The following DLG2 variants were observed in gnomAD, a reference collection of about 807,000 sequenced individuals.
DLG2 encodes the protein disks large homolog 2.
DLG2 carries 45 observed loss-of-function variants against 132.5 expected under a neutral mutation model. The ratio of observed to expected loss-of-function variants is 0.34; its 90% confidence interval spans 0.27 to 0.44. The LOEUF (loss-of-function observed/expected upper bound fraction) is 0.44. Among genes scored for constraint, DLG2 ranks in the 20% least tolerant of loss-of-function variants. DLG2 has a pLI of 1.00. For synonymous variants in DLG2, 424 were observed against 419.6 expected, an observed-to-expected ratio of 1.01 and a Z score of -0.13; for missense variants, 1,045 against 1,196.9, an observed-to-expected ratio of 0.87 and a Z score of 1.87.
intron 4 of DLG2, 64 bp from the exon 5 acceptor site, chr11:85,154,715 A>G (rs2077482505): frequency 2.6e-6 from 2 of 772,648 alleles, no homozygotes; most frequent in African/African-American, 3.5e-5. Flanking sequence ...ATTGTTTTCA[A>G]ACTTTGAATA....
intron 7 of DLG2, among the ~76,000 whole-genome samples, chr11:84,506,076 G>GTTTTTTTT (rs559086542): frequency 1.1e-5 from 1 of 91,454 alleles, no homozygotes; most frequent in African/African-American, 6.8e-5. Flanking sequence ...CAGAGGCTCA[G>GTTTTTTTT]TTCTTTTTTT....
chr11:85,150,818 A>C (rs778007272), intron 5 of DLG2, among the ~76,000 whole-genome samples: 3 of 151,322 alleles, frequency 2.0e-5, no homozygotes, highest in Non-Finnish European at 4.4e-5. Context: ...GAGTATTGCA[A>C]ATAAGGCTGT....
intron 7 of DLG2, among the ~76,000 whole-genome samples, chr11:84,298,783 G>A (rs2154380272): frequency 6.6e-6 from 1 of 152,308 alleles, no homozygotes; most frequent in African/African-American, 2.4e-5. Flanking sequence ...GAGAGAGAGA[G>A]AGAAAAGCAT....
intron 18 of DLG2, among the ~76,000 whole-genome samples, chr11:83,775,305 G>C (rs2094539164): frequency 6.6e-6 from 1 of 152,046 alleles, no homozygotes; most frequent in African/African-American, 2.4e-5. Flanking sequence ...GCATGAATCT[G>C]TTTATATTTT....
rs75669451 is a variant in DLG2, at chr11:85,318,598, G to A, written c.41-33233C>T. On this transcript the variant is annotated intron_variant, in intron 3 of 27. Transcript: ENST00000376104. ...AATTCCACTTGGTTGAAATGTAAGGGAAGGGAAAGGGAAGTAAATATGAAG... is the reference window on the plus strand; with the variant it reads ...AATTCCACTTGGTTGAAATGTAAGGAAAGGGAAAGGGAAGTAAATATGAAG... Among the ~76,000 whole-genome samples the A allele has an allele frequency of 5.7e-3, 860 of 151,876 alleles. 3 individuals carry two copies. The highest frequency in any genetic ancestry group is 8.6e-3 in the Non-Finnish European group (583 of 67,782).
chr11:83,884,640 T>G (rs924556148), intron 15 of DLG2, among the ~76,000 whole-genome samples: 3 of 152,154 alleles, frequency 2.0e-5, no homozygotes, highest in African/African-American at 7.2e-5. Flanking sequence ...GCAGACTGCC[T>G]CCTCAAGTGG....
chr11:85,332,413 G>T (rs2081826936), intron 3 of DLG2, among the ~76,000 whole-genome samples: 1 of 152,138 alleles, frequency 6.6e-6, no homozygotes. Context: ...CATTCTGCAG[G>T]TTGTCTACTC....
chr11:84,470,069 A>G (rs2099104689), intron 7 of DLG2, among the ~76,000 whole-genome samples: 1 of 151,808 alleles, frequency 6.6e-6, no homozygotes, highest in Non-Finnish European at 1.5e-5. Context: ...ATATCTAAAC[A>G]TAGACAAGGT....
intron 7 of DLG2, among the ~76,000 whole-genome samples, chr11:84,276,265 C>T (rs1056322177): frequency 6.6e-5 from 10 of 152,112 alleles, no homozygotes; most frequent in Non-Finnish European, 1.5e-5. Flanking sequence ...TTTGGAGGCC[C>T]TAGGTGGCTC....
intron 6 of DLG2, among the ~76,000 whole-genome samples, chr11:84,976,268 T>A (rs914319960): frequency 3.3e-5 from 5 of 152,070 alleles, no homozygotes; most frequent in African/African-American, 1.2e-4. Flanking sequence ...AATAAACAGA[T>A]TGGGGATAGA....
At chr11:84,780,072 G>C (rs989917871) in intron 6 of DLG2, among the ~76,000 whole-genome samples, 9 of 151,844 alleles carry the variant, frequency 5.9e-5, no homozygotes, top group African/African-American at 1.9e-4. Flanking sequence ...ACGAGGCAAG[G>C]ACACAACAAA....
chr11:85,436,426 T>C (rs1393577814), intron 3 of DLG2, among the ~76,000 whole-genome samples: 1 of 152,122 alleles, frequency 6.6e-6, no homozygotes, highest in Non-Finnish European at 1.5e-5. Flanking sequence ...AAAGGTCTAG[T>C]ATCCAGAATG....
intron 15 of DLG2, among the ~76,000 whole-genome samples, chr11:83,920,940 T>C (rs1292931953): frequency 6.6e-6 from 1 of 152,150 alleles, no homozygotes; most frequent in Non-Finnish European, 1.5e-5. Flanking sequence ...GACTATTGTT[T>C]AATGGGGTGT....
chr11:84,163,349 A>G, intron 9 of DLG2, 112 bp downstream of exon 9: 2 of 945,432 alleles, frequency 2.1e-6, no homozygotes, highest in South Asian at 3.8e-5. Context: ...CCTGTGGGAA[A>G]CTTCCAGGTT....
chr11:85,296,525 C>T (rs1330462651), intron 3 of DLG2, among the ~76,000 whole-genome samples: 3 of 136,222 alleles, frequency 2.2e-5, no homozygotes, highest in African/African-American at 8.1e-5. Context: ...TTTGGACATA[C>T]AGCTCTGAAT....
intron 18 of DLG2, among the ~76,000 whole-genome samples, chr11:83,696,920 G>A (rs1245864580): frequency 1.3e-5 from 2 of 152,122 alleles, no homozygotes; most frequent in African/African-American, 2.4e-5. Flanking sequence ...TTTAATTTTC[G>A]CCATAGTAAA....
At chr11:84,927,851 A>T (rs1172363512) in intron 6 of DLG2, among the ~76,000 whole-genome samples, 1 of 151,994 alleles carries the variant, frequency 6.6e-6, no homozygotes, top group Non-Finnish European at 1.5e-5. Context: ...TAGGTGCATC[A>T]GTGTATGTTA....
intron 11 of DLG2, among the ~76,000 whole-genome samples, chr11:84,005,235 A>G (rs2094525800): frequency 1.3e-5 from 2 of 152,048 alleles, no homozygotes; most frequent in Non-Finnish European, 2.9e-5. Context: ...AGCTGCTAAG[A>G]ACATGTACTG....
intron 6 of DLG2, among the ~76,000 whole-genome samples, chr11:84,592,740 G>A (rs1044749305): frequency 2.0e-5 from 3 of 151,604 alleles, no homozygotes. Flanking sequence ...GGTCATGAGA[G>A]AAAGGCAAAT....
Sources: gnomAD v4.1 joint callset for allele counts (sites outside exome capture counted in the v4.1 genomes callset) on GRCh38, gnomAD v4.1.1 for gene constraint, MANE v1.5 for transcripts, NCBI Gene and HGNC (gene_info 2026-07-23, HGNC 2026-07-21) for gene names.